The following PCDHA2 variants were observed in gnomAD, a reference collection of about 807,000 sequenced individuals.
PCDHA2 encodes protocadherin alpha-2.
PCDHA2 carries 58 observed loss-of-function variants against 66.0 expected under a neutral mutation model. The ratio of observed to expected loss-of-function variants is 0.88; its 90% confidence interval spans 0.71 to 1.09. PCDHA2 has a LOEUF of 1.09. PCDHA2 is among the 50% of genes least tolerant of loss of function. The probability of loss-of-function intolerance (pLI) is 0.00; values close to 1 mark genes in which losing one functional copy is unlikely to be tolerated. For synonymous variants in PCDHA2, 634 were observed against 554.0 expected, an observed-to-expected ratio of 1.14 and a Z score of -2.03; for missense variants, 1,267 against 1,242.3, an observed-to-expected ratio of 1.02 and a Z score of -0.30.
chr5:140,903,587 G>A (rs62384486), intron 1 of PCDHA2, among the ~76,000 whole-genome samples: 1 of 152,156 alleles, frequency 6.6e-6, no homozygotes, highest in African/African-American at 2.4e-5. Context: ...GCTGGTGTTG[G>A]CCTGATAAAT....
chr5:140,837,864 A>G (rs1279625431), intron 1 of PCDHA2, among the ~76,000 whole-genome samples: 2 of 151,530 alleles, frequency 1.3e-5, no homozygotes, highest in East Asian at 1.9e-4. Flanking sequence ...ATTTTTGTAG[A>G]GACAGGGTGG....
intron 1 of PCDHA2, among the ~76,000 whole-genome samples, chr5:140,972,225 G>A (rs959858462): frequency 3.3e-5 from 5 of 151,474 alleles, no homozygotes; most frequent in Admixed American, 2.0e-4. Context: ...CTGCAGCCTC[G>A]ACCTTCTGGG....
chr5:140,946,807 A>G (rs1333101378), intron 1 of PCDHA2, among the ~76,000 whole-genome samples: 3 of 151,418 alleles, frequency 2.0e-5, no homozygotes, highest in Non-Finnish European at 4.4e-5. Context: ...CAGAGAGTAT[A>G]ACAGTGATTA....
intron 1 of PCDHA2, among the ~76,000 whole-genome samples, chr5:140,826,430 C>A (rs2150079400): frequency 6.6e-6 from 1 of 152,162 alleles, no homozygotes; most frequent in Admixed American, 6.5e-5. Context: ...TAGAATTTCA[C>A]ATGGAAGAAA....
At chr5:140,984,576 C>G (rs1309554018) in intron 3 of PCDHA2, among the ~76,000 whole-genome samples, 1 of 152,104 alleles carries the variant, frequency 6.6e-6, no homozygotes, top group African/African-American at 2.4e-5. Context: ...CCATGGCAAC[C>G]TAATCATACT....
At chr5:140,874,881 C>T (rs1316593398) in intron 1 of PCDHA2, among the ~76,000 whole-genome samples, 3 of 152,102 alleles carry the variant, frequency 2.0e-5, no homozygotes, top group Non-Finnish European at 2.9e-5. Context: ...AATACAAATT[C>T]CTAACTTTCT....
chr5:140,868,792 C>A, intron 1 of PCDHA2: 1 of 326,784 alleles, frequency 3.1e-6, no homozygotes, highest in South Asian at 7.0e-5. Context: ...TCTGAATATT[C>A]CATAAATAAG....
intron 3 of PCDHA2, 24 bp from the exon 4 acceptor site, chr5:141,009,603 G>A (rs1554262223): frequency 1.2e-6 from 2 of 1,608,568 alleles, no homozygotes; most frequent in African/African-American, 2.7e-5. Context: ...CCCTGTTAAT[G>A]ATTTGTAATG....
intron 1 of PCDHA2, among the ~76,000 whole-genome samples, chr5:140,879,613 T>C (rs2058057940): frequency 6.6e-6 from 1 of 152,200 alleles, no homozygotes; most frequent in Non-Finnish European, 1.5e-5. Context: ...TGTGTCCAGG[T>C]ACTTAGGTGG....
At chr5:140,925,176 A>G (rs187925786) in intron 1 of PCDHA2, among the ~76,000 whole-genome samples, 2 of 152,236 alleles carry the variant, frequency 1.3e-5, no homozygotes, top group African/African-American at 2.4e-5. Context: ...ATTGACCCCA[A>G]TGTACCATCA....
Position 140,797,222 on chromosome 5 carries a change from A to T in PCDHA2, c.2258A>T (p.Gln753Leu). The T allele has an allele frequency of 6.2e-7, 1 of 1,614,084 alleles. No individual in the cohort carries two copies. The highest frequency in any genetic ancestry group is 8.5e-7 in the Non-Finnish European group (1 of 1,180,056). Residue 753 changes from glutamine (Q) to leucine (L), a missense_variant, in exon 1 of 4, where the codon CAG (glutamine) becomes CTG (leucine). Physicochemically the swap from Gln to Leu is moderately radical, Grantham distance 113. Coordinates refer to ENST00000526136, the MANE Select transcript of PCDHA2 (RefSeq NM_018905.3). ...SAVGSWSYSQ[Q>L]RRQRVCSGED... ...GTGGGGAGCTGGTCTTACTCGCAGC[A>T]GAGGCGGCAGAGGGTGTGCTCTGGG...
At chr5:140,929,322 C>T in intron 1 of PCDHA2, 1 of 1,540,684 alleles carries the variant, frequency 6.5e-7, no homozygotes, top group Non-Finnish European at 8.8e-7. Context: ...ATGTCAATGC[C>T]ATGGTAAGCA....
chr5:140,881,743 A>C (rs964884426), intron 1 of PCDHA2, among the ~76,000 whole-genome samples: 4 of 152,182 alleles, frequency 2.6e-5, no homozygotes, highest in African/African-American at 9.7e-5. Flanking sequence ...CAGGAAGAGG[A>C]CAGTACCACA....
At chr5:140,920,959 T>G (rs2079949518) in intron 1 of PCDHA2, among the ~76,000 whole-genome samples, 1 of 152,072 alleles carries the variant, frequency 6.6e-6, no homozygotes, top group Non-Finnish European at 1.5e-5. Flanking sequence ...ACTACACATG[T>G]AGTACTAGAG....
chr5:140,969,538 G>A (rs916768919), intron 1 of PCDHA2: 11 of 1,304,024 alleles, frequency 8.4e-6, no homozygotes, highest in African/African-American at 1.5e-5. Flanking sequence ...TTCATTTTCA[G>A]AGGCATGAAG....
intron 1 of PCDHA2, among the ~76,000 whole-genome samples, chr5:140,931,040 A>G (rs2087258988): frequency 6.6e-6 from 1 of 152,242 alleles, no homozygotes; most frequent in South Asian, 2.1e-4. Flanking sequence ...GCTAGCAAGA[A>G]AAACTTCAAT....
intron 3 of PCDHA2, among the ~76,000 whole-genome samples, chr5:140,992,388 G>A (rs2097508351): frequency 6.6e-6 from 1 of 152,120 alleles, no homozygotes; most frequent in Non-Finnish European, 1.5e-5. Context: ...TTGTGTTCTG[G>A]ACTTAGAGAT....
intron 1 of PCDHA2, among the ~76,000 whole-genome samples, chr5:140,935,971 C>A (rs1563151362): frequency 6.7e-6 from 1 of 149,774 alleles, no homozygotes; most frequent in African/African-American, 2.5e-5. Context: ...TGGCTCACTG[C>A]AATCTCTGCC....
chr5:140,946,631 T>TATATATATATATATATATACAC lies in PCDHA2; in HGVS notation c.2389-32317_2389-32316insTATATATATATATATATACACA, dbSNP rs57893927. Among the ~76,000 whole-genome samples the TATATATATATATATATATACAC allele has an allele frequency of 6.1e-4, 80 of 131,840 alleles. 1 individual carries two copies. The East Asian group carries it at 6.6e-3, about 11-fold the overall frequency. The allele number at this position is 131,840 out of a possible 152,430, so 86.5% of individuals were successfully genotyped here. A position where few individuals can be genotyped will look rare whatever the true frequency, so the allele number is the denominator to read the frequency against. ...TGTGAAATATATATATATATATATATACAATGGAATACTCATCAGCCATTA... is the reference window on the plus strand; with the variant it reads ...TGTGAAATATATATATATATATATATATATATATATATATATATACACACAATGGAATACTCATCAGCCATTA... On this transcript the variant is annotated intron_variant, in intron 1 of 3. Transcript: ENST00000526136.
Sources: allele counts gnomAD v4.1 joint callset (sites outside exome capture counted in the v4.1 genomes callset), GRCh38; gene constraint gnomAD v4.1.1; transcripts MANE v1.5; gene names NCBI Gene and HGNC (gene_info 2026-07-23, HGNC 2026-07-21).